Variants in SPATA17 observed in about 807,000 individuals in gnomAD.
The protein encoded by SPATA17 is spermatogenesis-associated protein 17.
In SPATA17, 53 loss-of-function variants were observed where a neutral mutation model predicts 62.2. The ratio of observed to expected loss-of-function variants is 0.85; its 90% confidence interval spans 0.68 to 1.07. The LOEUF is 1.07. Ranked by LOEUF, SPATA17 falls within the 50% of genes least tolerant of loss-of-function variation. The probability of loss-of-function intolerance (pLI) is 0.00; values close to 1 mark genes in which losing one functional copy is unlikely to be tolerated. For synonymous variants in SPATA17, 146 were observed against 146.8 expected, an observed-to-expected ratio of 0.99 and a Z score of 0.04; for missense variants, 466 against 425.5, an observed-to-expected ratio of 1.10 and a Z score of -0.84.
In SPATA17 at chr1:217,749,985, C is replaced by CTATA. The variant is rs57489651; in HGVS notation, c.519+7911_519+7914dup. Among the ~76,000 whole-genome samples the CTATA allele has an allele frequency of 8.9e-3, 110 of 12,308 alleles. 16 individuals carry two copies. The highest frequency in any genetic ancestry group is 0.031 in the Middle Eastern group (1 of 32). The allele number at this position is 12,308 out of a possible 152,430, so 8.1% of individuals were successfully genotyped here. A position where few individuals can be genotyped will look rare whatever the true frequency, so the allele number is the denominator to read the frequency against. The stretch of plus-strand genomic sequence containing the variant: ...TCTCTCTCTCTCTCTCTCTCTCTCT[C>CTATA]TATATATATATATATATATATATAT... On this transcript the variant is annotated intron_variant, in intron 6 of 10. Coordinates refer to ENST00000366933, the MANE Select transcript of SPATA17 (RefSeq NM_138796.4).
intron 7 of SPATA17, chr1:217,781,063 G>A (rs1372401712): frequency 1.3e-5 from 2 of 151,916 alleles, no homozygotes; most frequent in Admixed American, 1.3e-4. Context: ...TTCAAATATA[G>A]CAATCCTCCT....
At chr1:217,783,703 A>C (rs1489238950) in intron 8 of SPATA17, among the ~76,000 whole-genome samples, 1 of 152,158 alleles carries the variant, frequency 6.6e-6, no homozygotes, top group Non-Finnish European at 1.5e-5. Flanking sequence ...CAAATAATTG[A>C]GATGATTATT....
chr1:217,752,672 G>A (rs1672943770), intron 6 of SPATA17, among the ~76,000 whole-genome samples: 1 of 152,116 alleles, frequency 6.6e-6, no homozygotes, highest in Admixed American at 6.5e-5. Flanking sequence ...ATGAAATTAT[G>A]AGAATTGGAT....
At chr1:217,833,224 A>C (rs1372317390) in intron 9 of SPATA17, among the ~76,000 whole-genome samples, 1 of 152,166 alleles carries the variant, frequency 6.6e-6, no homozygotes, top group African/African-American at 2.4e-5. Context: ...TCGGCTATAC[A>C]TGTTGTCTGC....
intron 5 of SPATA17, among the ~76,000 whole-genome samples, chr1:217,690,223 C>T (rs1455889706): frequency 6.6e-6 from 1 of 152,008 alleles, no homozygotes; most frequent in African/African-American, 2.4e-5. Context: ...TTTTTCAGAA[C>T]TCTGACTTTG....
intron 6 of SPATA17, among the ~76,000 whole-genome samples, chr1:217,758,238 C>T (rs1043442194): frequency 1.3e-5 from 2 of 152,068 alleles, no homozygotes; most frequent in Non-Finnish European, 2.9e-5. Context: ...CAATGAGACA[C>T]AAAGAGATTA....
At chr1:217,748,796 A>G (rs1672829515) in intron 6 of SPATA17, among the ~76,000 whole-genome samples, 1 of 151,344 alleles carries the variant, frequency 6.6e-6, no homozygotes, top group Non-Finnish European at 1.5e-5. Flanking sequence ...ATTACTTTCG[A>G]CTCTATCTTT....
At chr1:217,834,814 T>C (rs1356676354) in intron 9 of SPATA17, among the ~76,000 whole-genome samples, 1 of 152,190 alleles carries the variant, frequency 6.6e-6, no homozygotes, top group Non-Finnish European at 1.5e-5. Flanking sequence ...GTTAACGTCC[T>C]AGGCCTTCAC....
chr1:217,771,231 T>C (rs1673437537), intron 6 of SPATA17, among the ~76,000 whole-genome samples: 1 of 151,616 alleles, frequency 6.6e-6, no homozygotes, highest in Admixed American at 6.6e-5. Flanking sequence ...TTTTCTTTTT[T>C]TTTTTAAACA....
chr1:217,710,056 C>T (rs10779302), intron 5 of SPATA17, among the ~76,000 whole-genome samples: 28,921 of 151,990 alleles, frequency 0.19, 3,067 homozygotes, highest in African/African-American at 0.29. Flanking sequence ...GTGTAGGATA[C>T]CAGACAACAT....
chr1:217,749,937 A>G (rs1347792985), intron 6 of SPATA17, among the ~76,000 whole-genome samples: 1 of 119,428 alleles, frequency 8.4e-6, no homozygotes, highest in Non-Finnish European at 1.8e-5. Context: ...GAAATTTGTC[A>G]TAAGATTCTC....
chr1:217,648,854 G>A (rs755114696), intron 1 of SPATA17, 28 bp from the exon 2 acceptor site: 1 of 1,457,220 alleles, frequency 6.9e-7, no homozygotes, highest in African/African-American at 1.4e-5. Flanking sequence ...AGTTACTAAT[G>A]AAGTGCTTTT....
At chr1:217,682,232 T>A (rs1261372435) in intron 4 of SPATA17, among the ~76,000 whole-genome samples, 1 of 152,058 alleles carries the variant, frequency 6.6e-6, no homozygotes, top group Non-Finnish European at 1.5e-5. Flanking sequence ...TTAGAAAATA[T>A]AGCAAAGATA....
chr1:217,802,641 A>G (rs1444286756), intron 9 of SPATA17, among the ~76,000 whole-genome samples: 1 of 151,836 alleles, frequency 6.6e-6, no homozygotes, highest in Non-Finnish European at 1.5e-5. Context: ...AGGGACCAGG[A>G]CTCTACCTTC....
chr1:217,777,029 T>C (rs1406668925), intron 7 of SPATA17, among the ~76,000 whole-genome samples: 1 of 150,612 alleles, frequency 6.6e-6, no homozygotes, highest in Non-Finnish European at 1.5e-5. Flanking sequence ...TACCCGACGG[T>C]GTGGATACCA....
intron 9 of SPATA17, among the ~76,000 whole-genome samples, chr1:217,831,917 A>G (rs1675152356): frequency 6.6e-6 from 1 of 152,166 alleles, no homozygotes; most frequent in Non-Finnish European, 1.5e-5. Context: ...AGAAATTCAT[A>G]TGACTGAATC....
intron 10 of SPATA17, among the ~76,000 whole-genome samples, chr1:217,864,502 CAT>C (rs1011032775): frequency 6.6e-6 from 1 of 151,858 alleles, no homozygotes; most frequent in Non-Finnish European, 1.5e-5. Flanking sequence ...TGTGTGTATA[CAT>C]ATATACATAT....
chr1:217,673,131 T>C (rs1412843743), intron 4 of SPATA17, among the ~76,000 whole-genome samples: 1 of 152,146 alleles, frequency 6.6e-6, no homozygotes, highest in Non-Finnish European at 1.5e-5. Context: ...ATTATCTGAC[T>C]ATACTGTAAT....
At chr1:217,686,838 G>C (rs1328968372) in intron 5 of SPATA17, among the ~76,000 whole-genome samples, 1 of 152,178 alleles carries the variant, frequency 6.6e-6, no homozygotes, top group Non-Finnish European at 1.5e-5. Flanking sequence ...TCCTGCCACA[G>C]CCTCTGAGTA....
Sources: gnomAD v4.1 joint callset for allele counts (sites outside exome capture counted in the v4.1 genomes callset) on GRCh38, gnomAD v4.1.1 for gene constraint, MANE v1.5 for transcripts, NCBI Gene and HGNC (gene_info 2026-07-23, HGNC 2026-07-21) for gene names.